RELN: variants seen among roughly 807,000 people sequenced by gnomAD.
The protein encoded by RELN is reelin.
A neutral mutation model predicts 427.6 loss-of-function variants in RELN; 108 were observed. The ratio of observed to expected loss-of-function variants is 0.25; its 90% CI spans 0.22 to 0.30. The LOEUF (loss-of-function observed/expected upper bound fraction) is 0.30, where lower values mean the gene tolerates loss of function less well. Among genes scored for constraint, RELN ranks in the 10% least tolerant of loss-of-function variants. The pLI is 1.00. For missense variants in RELN, 3,715 were observed against 4,302.8 expected (o/e 0.86, Z 3.82); for synonymous variants, 1,524 against 1,513.4 (o/e 1.01, Z -0.16).
At chr7:103,952,596 G>C (rs531820722) in intron 1 of RELN, among the ~76,000 whole-genome samples, 1 of 151,720 alleles carries the variant, frequency 6.6e-6, no homozygotes, top group East Asian at 1.9e-4. Context: ...GACACTAAAA[G>C]AAAATCTCTG....
intron 63 of RELN, among the ~76,000 whole-genome samples, chr7:103,481,761 G>A (rs981087549): frequency 2.6e-5 from 4 of 152,140 alleles, no homozygotes; most frequent in African/African-American, 7.2e-5. Flanking sequence ...CAGCACCCAG[G>A]TTATTTTATT....
At chr7:103,740,939 A>G (rs1201125210) in intron 6 of RELN, among the ~76,000 whole-genome samples, 4 of 152,146 alleles carry the variant, frequency 2.6e-5, no homozygotes, top group Middle Eastern at 3.2e-3. Context: ...CAGTTATGGG[A>G]ATTTGGCTAA....
In RELN at chr7:103,927,084, G is replaced by A. The variant is rs2116698494; in HGVS notation, c.227-9899C>T. On this transcript the variant is annotated intron_variant, in intron 1 of 64. Coordinates refer to ENST00000428762, the MANE Select transcript of RELN (RefSeq NM_005045.4). ...ATATATGCTGAGTATATTATATATG[G>A]CATACAAATGATTAACTATAAAATT... 1.3e-5 allele frequency among the ~76,000 whole-genome samples: 2 copies of A among 152,112 alleles called. 1 individual carries two copies. Among genetic ancestry groups the A allele is most frequent in the South Asian group, 4.2e-4 (2 of 4,818 alleles).
At position 103,754,649 on chromosome 7, in the gene RELN, G is replaced by T. The variant is rs184958603; in HGVS notation, c.545-1435C>A. On this transcript the variant is annotated intron_variant, in intron 4 of 64. Coordinates refer to ENST00000428762, the MANE Select transcript of RELN (RefSeq NM_005045.4). ...AAATTAGCTGGGCATGGTGGTGCAC[G>T]CCTGTAGTCCTAGCTACTCAGGAGG... 5.9e-5 allele frequency among the ~76,000 whole-genome samples: 9 copies of T among 152,184 alleles called. No homozygotes were observed. The East Asian group carries it at 1.6e-3, about 26-fold the overall frequency.
At chr7:103,473,136 G>A (rs1406416475) in intron 64 of RELN, 4 of 647,346 alleles carry the variant, frequency 6.2e-6, no homozygotes, top group Admixed American at 4.5e-5. Flanking sequence ...CTTTTCATGA[G>A]TGAGCTCTGA....
At chr7:103,702,477 T>TG (rs1834114566) in intron 8 of RELN, among the ~76,000 whole-genome samples, 1 of 152,344 alleles carries the variant, frequency 6.6e-6, no homozygotes, top group South Asian at 2.1e-4. Context: ...CAATTTCTTG[T>TG]GAATTGTTTA....
chr7:103,907,394 G>C (rs894597836), intron 2 of RELN, among the ~76,000 whole-genome samples: 2 of 110,216 alleles, frequency 1.8e-5, no homozygotes, highest in Admixed American at 2.4e-4. Context: ...CTCCAGCCTG[G>C]GCAACAAGAT....
intron 50 of RELN, among the ~76,000 whole-genome samples, chr7:103,511,875 A>G (rs903784715): frequency 1.3e-5 from 2 of 152,140 alleles, no homozygotes; most frequent in African/African-American, 4.8e-5. Context: ...TGAAATATAC[A>G]TTTGATGACT....
chr7:103,487,505 G>C (rs376925513), intron 60 of RELN, among the ~76,000 whole-genome samples: 16 of 145,624 alleles, frequency 1.1e-4, no homozygotes, highest in African/African-American at 4.1e-4. Context: ...GATTCCCAAA[G>C]TAAATGTTTT....
chr7:103,636,408 A>G lies in RELN; in HGVS notation c.2130T>C (p.Phe710=). The G allele has an allele frequency of 6.2e-7, 1 of 1,614,060 alleles. No homozygotes were observed. Among genetic ancestry groups the G allele is most frequent in the Non-Finnish European group, 8.5e-7 (1 of 1,179,970 alleles). Residue 710 remains phenylalanine, a synonymous_variant, in exon 18 of 65, where the codon TTT becomes TTC. Coordinates refer to ENST00000428762, the MANE Select transcript of RELN (RefSeq NM_005045.4). ...TGGAACTGCCAAAGCTTTCAGAAAT[A>G]AACATTGGGAATGTCTGGGATGCCA... is the stretch of plus-strand genomic sequence containing the variant. The part of the protein sequence containing the change: ...CEMASQTFPM[F]ISESFGSSRL...
intron 46 of RELN, 35 bp from the exon 47 acceptor site, chr7:103,523,566 T>C: frequency 5.0e-6 from 8 of 1,612,766 alleles, no homozygotes; most frequent in Non-Finnish European, 6.8e-6. Context: ...TGAAGGATGC[T>C]GTGGAAAAGA....
chr7:103,949,609 T>C (rs1402123698), intron 1 of RELN, among the ~76,000 whole-genome samples: 1 of 142,254 alleles, frequency 7.0e-6, no homozygotes, highest in Admixed American at 7.3e-5. Flanking sequence ...TCTCCAGAAC[T>C]GTGAGAAATA....
chr7:103,802,897 T>G (rs970690524), intron 3 of RELN, among the ~76,000 whole-genome samples: 2 of 152,152 alleles, frequency 1.3e-5, no homozygotes, highest in Non-Finnish European at 2.9e-5. Context: ...AATATAAAAC[T>G]GCTTTAAGAA....
chr7:103,811,870 A>G (rs969024279), intron 3 of RELN, among the ~76,000 whole-genome samples: 2 of 152,226 alleles, frequency 1.3e-5, no homozygotes, highest in East Asian at 3.9e-4. Context: ...ATTAAATCCA[A>G]TGCAACTTTT....
intron 6 of RELN, among the ~76,000 whole-genome samples, chr7:103,744,126 AC>A (rs1790750274): frequency 6.6e-6 from 1 of 152,200 alleles, no homozygotes; most frequent in Admixed American, 6.5e-5. Flanking sequence ...AAACCGCTCA[AC>A]TACATGGAAA....
chr7:103,543,884 G>A (rs1218578413), intron 42 of RELN, among the ~76,000 whole-genome samples: 1 of 152,058 alleles, frequency 6.6e-6, no homozygotes, highest in South Asian at 2.1e-4. Context: ...TCATGAGCCC[G>A]AAAGGAAACC....
At chr7:103,878,056 C>T (rs1794525142) in intron 2 of RELN, among the ~76,000 whole-genome samples, 1 of 152,040 alleles carries the variant, frequency 6.6e-6, no homozygotes, top group Non-Finnish European at 1.5e-5. Context: ...AGGGTTTTGC[C>T]TTGTTGGCCA....
At chr7:103,525,818 C>A (rs1358063668) in intron 46 of RELN, among the ~76,000 whole-genome samples, 1 of 151,708 alleles carries the variant, frequency 6.6e-6, no homozygotes, top group Non-Finnish European at 1.5e-5. Flanking sequence ...TTTCTTGGTT[C>A]CCCTAATATC....
intron 1 of RELN, among the ~76,000 whole-genome samples, chr7:103,929,689 A>G (rs1484209378): frequency 6.6e-6 from 1 of 152,184 alleles, no homozygotes; most frequent in Non-Finnish European, 1.5e-5. Context: ...TACCTTCAGC[A>G]CTTTGGTACT....
Sources: allele counts gnomAD v4.1 joint callset (sites outside exome capture counted in the v4.1 genomes callset), GRCh38; gene constraint gnomAD v4.1.1; transcripts MANE v1.5; gene names NCBI Gene and HGNC (gene_info 2026-07-23, HGNC 2026-07-21).